The following RBM33 variants were observed in gnomAD, a reference collection of about 807,000 sequenced individuals.
The protein encoded by RBM33 is RNA-binding protein 33.
In RBM33, 28 loss-of-function variants were observed where a neutral mutation model predicts 132.6. That is an observed-to-expected ratio of 0.21 (90% confidence interval 0.16 to 0.29). The LOEUF (loss-of-function observed/expected upper bound fraction) is 0.29. Ranked by LOEUF, RBM33 falls within the 10% of genes least tolerant of loss-of-function variation. The probability of loss-of-function intolerance (pLI) is 1.00; values close to 1 mark genes in which losing one functional copy is unlikely to be tolerated. For synonymous variants in RBM33, 634 were observed against 593.0 expected (o/e 1.07, Z -1.01); for missense variants, 1,291 against 1,518.5 (o/e 0.85, Z 2.49).
intron 1 of RBM33, among the ~76,000 whole-genome samples, chr7:155,648,485 G>A (rs1183003925): frequency 2.6e-5 from 4 of 152,124 alleles, no homozygotes; most frequent in African/African-American, 7.2e-5. Context: ...GTTTTCATTC[G>A]AAATTGTGAA....
At chr7:155,708,640 G>A (rs924079536) in intron 7 of RBM33, among the ~76,000 whole-genome samples, 2 of 152,212 alleles carry the variant, frequency 1.3e-5, no homozygotes, top group Non-Finnish European at 2.9e-5. Context: ...TCTCTGGATT[G>A]TAATGTGACT....
chr7:155,723,862 C>T (rs190549846), intron 9 of RBM33, among the ~76,000 whole-genome samples: 1 of 152,194 alleles, frequency 6.6e-6, no homozygotes, highest in East Asian at 1.9e-4. Flanking sequence ...TGTGTATATG[C>T]GGGGGCCTGG....
chr7:155,767,751 C>T (rs1422291852), intron 16 of RBM33, among the ~76,000 whole-genome samples: 5 of 152,140 alleles, frequency 3.3e-5, no homozygotes, highest in Non-Finnish European at 4.4e-5. Flanking sequence ...AGCGGGCTCC[C>T]TAGTGGTGCA....
intron 9 of RBM33, among the ~76,000 whole-genome samples, chr7:155,734,726 G>T (rs1177169720): frequency 1.3e-5 from 2 of 152,076 alleles, no homozygotes; most frequent in African/African-American, 4.8e-5. Flanking sequence ...AGTCAAGTGT[G>T]CATTGAAACA....
chr7:155,739,551 A>T (rs1054377885), intron 11 of RBM33, 164 bp from the exon 12 acceptor site: 1 of 694,114 alleles, frequency 1.4e-6, no homozygotes, highest in Non-Finnish European at 2.3e-6. Flanking sequence ...CTGGCTTATT[A>T]CTGCATTTTA....
chr7:155,730,511 T>C (rs1466685013), intron 9 of RBM33, among the ~76,000 whole-genome samples: 2 of 152,218 alleles, frequency 1.3e-5, no homozygotes, highest in African/African-American at 4.8e-5. Flanking sequence ...AGGTAGGTAC[T>C]AATTGCTGTT....
Position 155,738,346 on chromosome 7 carries a change from G to C in RBM33, c.1680G>C (p.Pro560=). 1 of 1,613,866 alleles carries C rather than the reference G, an allele frequency of 6.2e-7. No homozygotes were observed. The highest frequency in any genetic ancestry group is 8.5e-7 in the Non-Finnish European group (1 of 1,179,868). ...GGCCCTTCATTCCTCCTAGACAGCC[G>C]TTCCTGCCAGGCCCAGGACAGCCGT... ...TTRPFIPPRQ[P]FLPGPGQPFL... is the part of the protein sequence containing the mutation. The change falls in exon 11 of 18, where the codon CCG becomes CCC. Residue 560 remains proline (P), a synonymous_variant. Coordinates refer to ENST00000401878, the MANE Select transcript of RBM33 (RefSeq NM_053043.3).
chr7:155,646,440 A>G (rs911929771), intron 1 of RBM33, among the ~76,000 whole-genome samples: 14 of 152,188 alleles, frequency 9.2e-5, no homozygotes, highest in Admixed American at 2.0e-4. Context: ...CCATTTTGTC[A>G]CAAGTGCCAA....
intron 5 of RBM33, among the ~76,000 whole-genome samples, chr7:155,700,546 C>CTTTCTTTT (rs1799928113): frequency 1.2e-5 from 1 of 85,582 alleles, no homozygotes; most frequent in Non-Finnish European, 2.3e-5. Context: ...AGAATTTGAC[C>CTTTCTTTT]TTTTTTTTTT....
chr7:155,694,603 C>T (rs1172027241), intron 5 of RBM33, among the ~76,000 whole-genome samples: 1 of 152,214 alleles, frequency 6.6e-6, no homozygotes, highest in Non-Finnish European at 1.5e-5. Context: ...CCTGACTCCT[C>T]AGAGTAAAGC....
rs1421586760 is a variant in RBM33, at chr7:155,661,146, A to ATATATATTTTT, written c.44-4028_44-4027insATATATTTTTT. Among the ~76,000 whole-genome samples, 24 of 81,184 alleles carry ATATATATTTTT rather than the reference A, an allele frequency of 3.0e-4. No homozygotes were observed. The South Asian group carries it at 3.0e-3, about 10-fold the overall frequency. 53.3% of individuals were successfully genotyped at this position (81,184 alleles called of 152,430 possible). A position where few individuals can be genotyped will look rare whatever the true frequency, so the allele number is the denominator to read the frequency against. ...TGTGTGTGTGTATATATATATATAT[A>ATATATATTTTT]TTTTTTTTTTTTTGAGACAGAGTCT... On this transcript the variant is annotated intron_variant, in intron 1 of 17. Coordinates refer to ENST00000401878, the MANE Select transcript of RBM33 (RefSeq NM_053043.3).
At chr7:155,736,329 G>A (rs2075520389) in intron 9 of RBM33, among the ~76,000 whole-genome samples, 1 of 152,204 alleles carries the variant, frequency 6.6e-6, no homozygotes, top group Non-Finnish European at 1.5e-5. Flanking sequence ...CTTAAAAGTT[G>A]TGAAATATTG....
At chr7:155,701,694 T>C (rs964411098) in intron 6 of RBM33, among the ~76,000 whole-genome samples, 1 of 152,146 alleles carries the variant, frequency 6.6e-6, no homozygotes, top group Non-Finnish European at 1.5e-5. Flanking sequence ...GTATTTTTTT[T>C]GTTTTGTTTT....
chr7:155,744,831 G>A, intron 13 of RBM33, 130 bp from the exon 14 acceptor site: 1 of 933,496 alleles, frequency 1.1e-6, no homozygotes, highest in Non-Finnish European at 1.5e-6. Flanking sequence ...TCTTCAAACA[G>A]ATTTTGAGTG....
chr7:155,746,867 G>A (rs994063954), intron 14 of RBM33, among the ~76,000 whole-genome samples: 2 of 152,178 alleles, frequency 1.3e-5, no homozygotes, highest in African/African-American at 4.8e-5. Flanking sequence ...CACAAAAAAT[G>A]TATACAGTAA....
At chr7:155,689,032 G>A (rs4403301) in intron 5 of RBM33, among the ~76,000 whole-genome samples, 90,977 of 151,868 alleles carry the variant, frequency 0.6, 29,447 homozygotes, top group South Asian at 0.77. Context: ...GATTGGAATA[G>A]TTTCGGAAGT....
chr7:155,680,742 G>A lies in RBM33; in HGVS notation c.401G>A (p.Gly134Glu), dbSNP rs1198889842. ...GAACTGGTTTATCACAAATCTGATG[G>A]ATCAGAATTGTATACTCAAGAGTAC... ...EDELVYHKSD[G>E]SELYTQEYPE... The change falls in exon 5 of 18, where the codon GGA (glycine) becomes GAA (glutamate). Residue 134 changes from glycine to glutamate, a missense_variant. By Grantham distance (98) the Gly-to-Glu change is moderately conservative (BLOSUM62 -2). This residue lies in a region of RBM33 where 194 missense variants were observed against 249.8 expected (regional missense o/e 0.78). Transcript: ENST00000401878. 1 of 1,613,504 alleles carries A rather than the reference G, an allele frequency of 6.2e-7. No individual in the cohort carries two copies.
intron 8 of RBM33, among the ~76,000 whole-genome samples, chr7:155,714,160 GTC>G (rs914867318): frequency 6.6e-6 from 1 of 152,192 alleles, no homozygotes; most frequent in Non-Finnish European, 1.5e-5. Flanking sequence ...ATGGTTGTGT[GTC>G]TCTGTCCAGC....
chr7:155,701,783 G>A (rs896434998), intron 6 of RBM33, among the ~76,000 whole-genome samples: 15 of 152,158 alleles, frequency 9.9e-5, no homozygotes, highest in African/African-American at 3.6e-4. Flanking sequence ...CGCCTCCCAG[G>A]TTCAACTGAG....
Sources: gnomAD v4.1 joint callset for allele counts (sites outside exome capture counted in the v4.1 genomes callset) on GRCh38, gnomAD v4.1.1 for gene constraint, gnomAD v4.1.1 regional missense constraint, MANE v1.5 for transcripts, NCBI Gene and HGNC (gene_info 2026-07-23, HGNC 2026-07-21) for gene names.